Variants in MYO1D observed in about 807,000 individuals in gnomAD.
MYO1D encodes myosin ID, also known as unconventional myosin-Id.
MYO1D carries 83 observed loss-of-function variants against 122.0 expected under a neutral mutation model. That is an observed-to-expected ratio of 0.68 (90% confidence interval 0.57 to 0.82). MYO1D has a LOEUF of 0.82. MYO1D is among the 40% of genes least tolerant of loss of function. The pLI, the probability that MYO1D is intolerant of heterozygous loss-of-function variation, is 0.00. For missense variants in MYO1D, 1,157 were observed against 1,269.5 expected (o/e 0.91, Z 1.35); for synonymous variants, 464 against 446.9 (o/e 1.04, Z -0.48).
chr17:32,612,793 T>C (rs866801090), intron 20 of MYO1D, among the ~76,000 whole-genome samples: 1 of 151,728 alleles, frequency 6.6e-6, no homozygotes, highest in African/African-American at 2.4e-5. Context: ...TTTAAAGATG[T>C]GGTCTAGCTG....
At chr17:32,728,909 T>TG (rs938167134) in intron 14 of MYO1D, among the ~76,000 whole-genome samples, 3 of 152,078 alleles carry the variant, frequency 2.0e-5, no homozygotes, top group African/African-American at 7.2e-5. Context: ...AACTAAGAAA[T>TG]GGGGGGAAGC....
chr17:32,804,720 A>G (rs1486079585), intron 1 of MYO1D, among the ~76,000 whole-genome samples: 2 of 152,176 alleles, frequency 1.3e-5, no homozygotes, highest in Non-Finnish European at 2.9e-5. Flanking sequence ...TGTTATTTCA[A>G]GGGTTCCAGT....
intron 21 of MYO1D, among the ~76,000 whole-genome samples, chr17:32,568,699 T>C (rs989725804): frequency 6.6e-6 from 1 of 152,238 alleles, no homozygotes; most frequent in Non-Finnish European, 1.5e-5. Context: ...CAATCTGAAC[T>C]GAACCCACAT....
At chr17:32,799,369 C>A (rs896475612) in intron 1 of MYO1D, among the ~76,000 whole-genome samples, 1 of 152,146 alleles carries the variant, frequency 6.6e-6, no homozygotes, top group Non-Finnish European at 1.5e-5. Context: ...ATCATCCCAA[C>A]CATGACTGCA....
At chr17:32,517,464 A>G (rs1909931578) in intron 21 of MYO1D, among the ~76,000 whole-genome samples, 1 of 152,190 alleles carries the variant, frequency 6.6e-6, no homozygotes, top group African/African-American at 2.4e-5. Flanking sequence ...CTGGGAGCCC[A>G]TAGAGCAAAG....
At chr17:32,538,545 G>GACA (rs1261171675) in intron 21 of MYO1D, among the ~76,000 whole-genome samples, 4 of 150,940 alleles carry the variant, frequency 2.7e-5, no homozygotes, top group Non-Finnish European at 5.9e-5. Flanking sequence ...AGTGATCCTT[G>GACA]AGGCTTGGTG....
chr17:32,594,517 G>T, intron 21 of MYO1D: 1 of 611,910 alleles, frequency 1.6e-6, no homozygotes, highest in Non-Finnish European at 3.0e-6. Context: ...GCCTGTTTAT[G>T]TAGAATCTAT....
chr17:32,872,849 A>G (rs1007783727), intron 1 of MYO1D, among the ~76,000 whole-genome samples: 4 of 151,570 alleles, frequency 2.6e-5, no homozygotes, highest in Non-Finnish European at 5.9e-5. Flanking sequence ...GGCGCCCGCC[A>G]CCGCGCCCGG....
At position 32,659,200 on chromosome 17, in the gene MYO1D, G is replaced by T; in HGVS notation, c.2260C>A (p.Arg754=). The change falls in exon 17 of 22, where the codon CGA becomes AGA. Residue 754 remains arginine (R), a synonymous_variant. Coordinates refer to ENST00000318217, the MANE Select transcript of MYO1D (RefSeq NM_015194.3). The part of the protein sequence containing the change: ...ARRFHGVKTM[R]DYGKHVKWPS... ...CACTTCACGTGCTTCCCGTAGTCTC[G>T]CATGGTCTTGACGCCATGGAAGCGT... 6.2e-7 allele frequency: 1 copy of T among 1,614,150 alleles called. No homozygotes were observed. The highest frequency in any genetic ancestry group is 8.5e-7 in the Non-Finnish European group (1 of 1,180,014).
At chr17:32,677,673 A>C (rs934379717) in intron 16 of MYO1D, among the ~76,000 whole-genome samples, 2 of 150,688 alleles carry the variant, frequency 1.3e-5, no homozygotes, top group African/African-American at 4.9e-5. Context: ...ATAAAGTATG[A>C]TGAAAAGGGC....
At chr17:32,656,023 G>A (rs1301235689) in intron 17 of MYO1D, among the ~76,000 whole-genome samples, 1 of 152,180 alleles carries the variant, frequency 6.6e-6, no homozygotes, top group East Asian at 1.9e-4. Flanking sequence ...GCAACTGAAA[G>A]CTTAAACCAA....
At chr17:32,812,138 A>C (rs1201735641) in intron 1 of MYO1D, among the ~76,000 whole-genome samples, 1 of 152,236 alleles carries the variant, frequency 6.6e-6, no homozygotes, top group Non-Finnish European at 1.5e-5. Flanking sequence ...TGATAAGTTT[A>C]GTTTTGAATT....
chr17:32,674,660 G>C (rs2088778880), intron 16 of MYO1D, among the ~76,000 whole-genome samples: 1 of 152,004 alleles, frequency 6.6e-6, no homozygotes, highest in African/African-American at 2.4e-5. Flanking sequence ...ATATTTTCTT[G>C]CTGGCAAATG....
intron 1 of MYO1D, among the ~76,000 whole-genome samples, chr17:32,828,788 T>C (rs934465242): frequency 7.2e-5 from 11 of 152,220 alleles, no homozygotes; most frequent in African/African-American, 2.7e-4. Context: ...GTGCTAGATA[T>C]GCATTTTTCT....
At chr17:32,671,349 T>C (rs542737166) in intron 16 of MYO1D, among the ~76,000 whole-genome samples, 5 of 152,252 alleles carry the variant, frequency 3.3e-5, no homozygotes, top group Admixed American at 2.0e-4. Flanking sequence ...GTGGGCCAAG[T>C]AGACAGGGTG....
At chr17:32,570,033 T>TG (rs1191195257) in intron 21 of MYO1D, among the ~76,000 whole-genome samples, 5 of 152,216 alleles carry the variant, frequency 3.3e-5, no homozygotes. Context: ...AAGGGAACTG[T>TG]GGAATATATT....
At chr17:32,651,674 CTTT>C (rs869114531) in intron 19 of MYO1D, among the ~76,000 whole-genome samples, 4 of 134,110 alleles carry the variant, frequency 3.0e-5, no homozygotes, top group African/African-American at 5.6e-5. Context: ...CTTTTTCCCA[CTTT>C]TTTTTTTTTT....
chr17:32,690,185 C>CT (rs1202005031), intron 16 of MYO1D, among the ~76,000 whole-genome samples: 1,468 of 141,106 alleles, frequency 0.01, 12 homozygotes, highest in African/African-American at 0.021. Context: ...GAGTGTTTAT[C>CT]TTTTTTTTTT....
intron 1 of MYO1D, among the ~76,000 whole-genome samples, chr17:32,855,156 C>T (rs1249281348): frequency 6.6e-6 from 1 of 152,130 alleles, no homozygotes; most frequent in South Asian, 2.1e-4. Context: ...TGTACTGTTT[C>T]CTCCATGATT....
Sources: gnomAD v4.1 joint callset for allele counts (sites outside exome capture counted in the v4.1 genomes callset) on GRCh38, gnomAD v4.1.1 for gene constraint, MANE v1.5 for transcripts, NCBI Gene and HGNC (gene_info 2026-07-23, HGNC 2026-07-21) for gene names.